The following DOCK1 variants were observed in gnomAD, a reference collection of about 807,000 sequenced individuals.
DOCK1 encodes the protein dedicator of cytokinesis protein 1.
In DOCK1, 138 loss-of-function variants were observed where a neutral mutation model predicts 262.7. That is an observed-to-expected ratio of 0.53 (90% confidence interval 0.46 to 0.61). The LOEUF is 0.61. DOCK1 is among the 20% of genes least tolerant of loss of function. The pLI, the probability that DOCK1 is intolerant of heterozygous loss-of-function variation, is 0.00. For synonymous variants in DOCK1, 866 were observed against 867.4 expected, an observed-to-expected ratio of 1.00 and a Z score of 0.03; for missense variants, 1,908 against 2,370.7, an observed-to-expected ratio of 0.80 and a Z score of 4.05.
intron 27 of DOCK1, among the ~76,000 whole-genome samples, chr10:127,232,099 G>A (rs574627710): frequency 8.5e-5 from 13 of 152,100 alleles, no homozygotes; most frequent in African/African-American, 2.2e-4. Context: ...GCAGAGAAGC[G>A]TTCCGTAGAG....
chr10:127,442,423 G>T (rs959142301), intron 49 of DOCK1, among the ~76,000 whole-genome samples: 2 of 152,106 alleles, frequency 1.3e-5, no homozygotes, highest in Non-Finnish European at 2.9e-5. Context: ...CTCCTTTTTG[G>T]CTGGGTTAAT....
intron 47 of DOCK1, among the ~76,000 whole-genome samples, chr10:127,426,369 C>G (rs1279764965): frequency 6.6e-6 from 1 of 152,244 alleles, no homozygotes; most frequent in Non-Finnish European, 1.5e-5. Context: ...TCATACAATA[C>G]ACACAGAGGG....
At chr10:127,239,572 A>T (rs993742219) in intron 27 of DOCK1, among the ~76,000 whole-genome samples, 1 of 152,186 alleles carries the variant, frequency 6.6e-6, no homozygotes, top group East Asian at 1.9e-4. Context: ...ACTTTCATTT[A>T]TAACAATGAT....
chr10:127,131,972 TA>T (rs2050353805), intron 27 of DOCK1, among the ~76,000 whole-genome samples: 1 of 152,218 alleles, frequency 6.6e-6, no homozygotes. Context: ...ACTCTGAAAT[TA>T]ATATACTTTA....
chr10:127,080,540 C>G (rs1226760147), intron 23 of DOCK1, among the ~76,000 whole-genome samples: 1 of 151,942 alleles, frequency 6.6e-6, no homozygotes, highest in African/African-American at 2.4e-5. Flanking sequence ...CAGAAAATGT[C>G]ACGTCGCCTG....
intron 1 of DOCK1, among the ~76,000 whole-genome samples, chr10:126,910,528 G>A (rs1056031242): frequency 5.3e-5 from 8 of 151,886 alleles, no homozygotes; most frequent in African/African-American, 1.9e-4. Flanking sequence ...ATTTTCAGAT[G>A]ATTGCATTAA....
intron 1 of DOCK1, among the ~76,000 whole-genome samples, chr10:126,957,931 G>A (rs1359535013): frequency 3.3e-5 from 5 of 152,174 alleles, no homozygotes; most frequent in African/African-American, 7.2e-5. Context: ...CCATTCATGT[G>A]GCTCAAAATG....
At chr10:127,219,651 C>A (rs1369830945) in intron 27 of DOCK1, among the ~76,000 whole-genome samples, 1 of 152,170 alleles carries the variant, frequency 6.6e-6, no homozygotes, top group African/African-American at 2.4e-5. Flanking sequence ...TCCCTCCTCT[C>A]AGCACCTGTA....
rs79985247 is a variant in DOCK1 at position 127,362,467 on chromosome 10, A to G, written c.3432+255A>G. On this transcript the variant is annotated intron_variant, in intron 33 of 51. Coordinates refer to ENST00000623213, the MANE Select transcript of DOCK1 (RefSeq NM_001290223.2). Reference sequence around the variant, plus strand: ...TCTTTTAATCTGGGTTTACTTACACATTGCACCCTGGATAAAAGTCTCTTG... The same window carrying G: ...TCTTTTAATCTGGGTTTACTTACACGTTGCACCCTGGATAAAAGTCTCTTG... Among the ~76,000 whole-genome samples, 635 of 152,286 alleles carry G rather than the reference A, an allele frequency of 4.2e-3. 7 individuals carry two copies. The highest frequency in any genetic ancestry group is 0.014 in the African/African-American group (567 of 41,544).
intron 1 of DOCK1, among the ~76,000 whole-genome samples, chr10:126,922,041 A>T (rs1235988767): frequency 6.6e-6 from 1 of 151,782 alleles, no homozygotes; most frequent in Non-Finnish European, 1.5e-5. Flanking sequence ...ACAAAACCCC[A>T]TCTCTACAGA....
rs545981537 is a variant in DOCK1, at chr10:127,024,635, T to C, written c.1453-50T>C. The C allele has an allele frequency of 3.3e-5, 49 of 1,485,678 alleles. No individual in the cohort carries two copies. In the Admixed American group the frequency reaches 5.3e-4, roughly 16 times the overall value. The allele number at this position is 1,485,678 out of a possible 1,614,324, so 92.0% of individuals were successfully genotyped here. A position where few individuals can be genotyped will look rare whatever the true frequency, so the allele number is the denominator to read the frequency against. ...CATATATAGTGGGAGATGTATATGG[T>C]GTCAAGCTCTATGAGGTCTTACGTG... is the stretch of plus-strand genomic sequence containing the variant. On this transcript the variant is annotated intron_variant, in intron 14 of 51. Transcript: ENST00000623213.
At chr10:127,404,460 T>C in intron 40 of DOCK1, 31 bp downstream of exon 40, 3 of 1,594,644 alleles carry the variant, frequency 1.9e-6, no homozygotes, top group Middle Eastern at 1.7e-4. Flanking sequence ...ATCTGAGCCA[T>C]GATTGTTCCC....
chr10:127,304,746 G>T (rs991083374), intron 29 of DOCK1, among the ~76,000 whole-genome samples: 3 of 152,056 alleles, frequency 2.0e-5, no homozygotes, highest in Non-Finnish European at 4.4e-5. Flanking sequence ...GCTTGGTGTG[G>T]TGGTGCATGC....
At chr10:127,026,465 G>A in intron 16 of DOCK1, 41 bp downstream of exon 16, 1 of 1,544,858 alleles carries the variant, frequency 6.5e-7, no homozygotes, top group East Asian at 2.4e-5. Context: ...TATTTTTAAG[G>A]GAGAACTGGG....
chr10:127,137,960 G>A lies in DOCK1; in HGVS notation c.2847+10196G>A, dbSNP rs140342113. The A allele has an allele frequency of 8.7e-6, 14 of 1,613,914 alleles. No individual in the cohort carries two copies. In the African/African-American group the frequency reaches 1.6e-4, roughly 18 times the overall value. On this transcript the variant is annotated intron_variant, in intron 27 of 51. Transcript: ENST00000623213. ...GTATGACCTGAGTTTCCTCAATAGGGTGGAGTTTTCTTAGAACCGGCTGGA... is the reference window on the plus strand; with the variant it reads ...GTATGACCTGAGTTTCCTCAATAGGATGGAGTTTTCTTAGAACCGGCTGGA...
chr10:126,965,749 C>T lies in DOCK1; in HGVS notation c.47-4953C>T, dbSNP rs992205201. On this transcript the variant is annotated intron_variant, in intron 1 of 51. Transcript: ENST00000623213. Reference sequence around the variant, plus strand: ...TGTTACATTTCATTAAATGTTTTCTCTGCATCAGTTGAGATGATATAATAA... The same window carrying T: ...TGTTACATTTCATTAAATGTTTTCTTTGCATCAGTTGAGATGATATAATAA... 1.2e-4 allele frequency among the ~76,000 whole-genome samples: 18 copies of T among 152,228 alleles called. No homozygotes were observed. In the East Asian group the frequency reaches 3.3e-3, roughly 28 times the overall value.
intron 27 of DOCK1, chr10:127,138,062 TC>T: frequency 6.5e-7 from 1 of 1,536,828 alleles, no homozygotes; most frequent in South Asian, 1.2e-5. Flanking sequence ...TTTGATCTTT[TC>T]CATATGAAGA....
At chr10:126,920,803 C>T (rs1371087196) in intron 1 of DOCK1, among the ~76,000 whole-genome samples, 1 of 152,198 alleles carries the variant, frequency 6.6e-6, no homozygotes, top group East Asian at 1.9e-4. Context: ...AAACAGTTCA[C>T]ATAGGCTGGT....
At chr10:127,385,533 A>G (rs2066062639) in intron 38 of DOCK1, among the ~76,000 whole-genome samples, 1 of 152,158 alleles carries the variant, frequency 6.6e-6, no homozygotes. Flanking sequence ...CTCATTTCAG[A>G]ACCTGTTTTA....
Sources: allele counts gnomAD v4.1 joint callset (sites outside exome capture counted in the v4.1 genomes callset), GRCh38; gene constraint gnomAD v4.1.1; transcripts MANE v1.5; gene names NCBI Gene and HGNC (gene_info 2026-07-23, HGNC 2026-07-21).